HTT: variants seen among roughly 807,000 people sequenced by gnomAD.
HTT encodes huntingtin.
A neutral mutation model predicts 362.3 loss-of-function variants in HTT; 104 were observed. The observed-to-expected ratio is 0.29, with a 90% confidence interval of 0.24 to 0.34. The LOEUF (loss-of-function observed/expected upper bound fraction) is 0.34, where lower values mean the gene tolerates loss of function less well. HTT is among the 10% of genes least tolerant of loss of function. The pLI is 1.00. For synonymous variants in HTT, 1,577 were observed against 1,548.7 expected (o/e 1.02, Z -0.43); for missense variants, 3,301 against 3,928.6 (o/e 0.84, Z 4.27).
intron 55 of HTT, 127 bp downstream of exon 55, chr4:3,223,687 G>C: frequency 1.1e-6 from 1 of 892,934 alleles, no homozygotes; most frequent in Non-Finnish European, 1.7e-6. Flanking sequence ...AACACCGTCC[G>C]TGTGGCCTGT....
intron 6 of HTT, among the ~76,000 whole-genome samples, chr4:3,114,658 A>G (rs1714932117): frequency 6.6e-6 from 1 of 152,226 alleles, no homozygotes; most frequent in African/African-American, 2.4e-5. Flanking sequence ...CTTAAGTAAC[A>G]TAGTCACCAA....
At chr4:3,188,794 T>C in intron 39 of HTT, 157 bp from the exon 40 acceptor site, 1 of 644,490 alleles carries the variant, frequency 1.6e-6, no homozygotes, top group Non-Finnish European at 2.7e-6. Context: ...CAAGTGACTG[T>C]GTCCACGGCG....
chr4:3,230,296 C>T (rs934809055), intron 60 of HTT, among the ~76,000 whole-genome samples: 4 of 152,148 alleles, frequency 2.6e-5, no homozygotes, highest in African/African-American at 7.2e-5. Flanking sequence ...TATCCCTGGG[C>T]TTATGACATC....
Position 3,212,698 on chromosome 4 carries a change from G to T in HTT, c.6763G>T (p.Ala2255Ser). The T allele has an allele frequency of 1.2e-6, 2 of 1,614,218 alleles. No individual in the cohort carries two copies. The highest frequency in any genetic ancestry group is 8.5e-7 in the Non-Finnish European group (1 of 1,180,032). ...GAAGGACATTGTGAAATTCGTGGTG[G>T]CAACCCTTGAGGTAAGAGGCAGCTC... ...KEKDIVKFVV[A>S]TLEALSWHLI... The change falls in exon 49 of 67, where the codon GCA becomes TCA. Residue 2255 changes from alanine to serine, a missense_variant. Around this residue, in one of 4 missense-constraint regions of HTT, gnomAD observed 220 missense variants for 218.5 expected, o/e 1.01. Coordinates refer to ENST00000355072, the MANE Select transcript of HTT (RefSeq NM_001388492.1).
chr4:3,169,826 G>A lies in HTT; in HGVS notation c.3865-2494G>A, dbSNP rs896531047. ...TGACCTCAGGTGATTCATCCGCCTC[G>A]GTCTCCCAAAGTGTTGGGATTATAG... is the stretch of plus-strand genomic sequence containing the variant. On this transcript the variant is annotated intron_variant, in intron 29 of 66. Coordinates refer to ENST00000355072, the MANE Select transcript of HTT (RefSeq NM_001388492.1). Among the ~76,000 whole-genome samples the A allele has an allele frequency of 7.2e-5, 11 of 152,282 alleles. No individual in the cohort carries two copies. The East Asian group carries it at 1.5e-3, about 21-fold the overall frequency.
chr4:3,216,816 G>A (rs1189175110), intron 51 of HTT, among the ~76,000 whole-genome samples: 1 of 152,068 alleles, frequency 6.6e-6, no homozygotes, highest in Non-Finnish European at 1.5e-5. Context: ...ACGAGGTCAG[G>A]AGATCGAGAC....
intron 2 of HTT, among the ~76,000 whole-genome samples, chr4:3,090,073 G>A (rs184827855): frequency 2.6e-5 from 4 of 152,244 alleles, no homozygotes; most frequent in Admixed American, 6.5e-5. Context: ...ATTGCTCATC[G>A]CTGTTTCCTG....
rs1312081689 is a variant in HTT, at chr4:3,209,920, G to A, written c.6385G>A (p.Glu2129Lys). Reference protein sequence around the residue: ...GAELVNRIPAEDMNAFMMNSE... With the variant: ...GAELVNRIPAKDMNAFMMNSE... ...AGAGCTGGTGAATCGGATTCCTGCTGAAGATATGAATGCCTTCATGATGAA... is the reference window on the plus strand; with the variant it reads ...AGAGCTGGTGAATCGGATTCCTGCTAAAGATATGAATGCCTTCATGATGAA... The change falls in exon 47 of 67, where the codon GAA (glutamate) becomes AAA (lysine). Residue 2129 changes from glutamate (E) to lysine (K), a missense_variant. Coordinates refer to ENST00000355072, the MANE Select transcript of HTT (RefSeq NM_001388492.1). 4.3e-6 allele frequency: 7 copies of A among 1,614,028 alleles called. No homozygotes were observed. The highest frequency in any genetic ancestry group is 5.9e-6 in the Non-Finnish European group (7 of 1,179,992).
chr4:3,117,799 C>G (rs1715103713), intron 8 of HTT, among the ~76,000 whole-genome samples: 2 of 152,192 alleles, frequency 1.3e-5, no homozygotes, highest in South Asian at 4.1e-4. Flanking sequence ...TACCACTGCA[C>G]TCCATCCTGG....
intron 2 of HTT, among the ~76,000 whole-genome samples, chr4:3,094,385 A>G (rs1403386727): frequency 6.6e-6 from 1 of 152,282 alleles, no homozygotes. Context: ...TCTATTCGAC[A>G]AAACTGCCAC....
rs1476157395 is a variant in HTT at position 3,155,814 on chromosome 4, C to T, written c.3626-1258C>T. Among the ~76,000 whole-genome samples, 6 of 144,118 alleles carry T rather than the reference C, an allele frequency of 4.2e-5. No individual in the cohort carries two copies. In the East Asian group the frequency reaches 1.3e-3, roughly 32 times the overall value. The allele number at this position is 144,118 out of a possible 152,430, so 94.5% of individuals were successfully genotyped here. A position where few individuals can be genotyped will look rare whatever the true frequency, so the allele number is the denominator to read the frequency against. On this transcript the variant is annotated intron_variant, in intron 27 of 66. Transcript: ENST00000355072. ...TTGGGAGGCTGAGGCAGGAGAATTG[C>T]TTGAATCTGGCAGGTGGAGGTTGCA... is the stretch of plus-strand genomic sequence containing the variant.
At chr4:3,226,914 C>G (rs968050370) in intron 57 of HTT, among the ~76,000 whole-genome samples, 2 of 152,210 alleles carry the variant, frequency 1.3e-5, no homozygotes, top group African/African-American at 4.8e-5. Flanking sequence ...AAAAGAAGTC[C>G]CACTCTTCTG....
At chr4:3,115,153 T>C in intron 6 of HTT, 151 bp from the exon 7 acceptor site, 1 of 719,494 alleles carries the variant, frequency 1.4e-6, no homozygotes, top group Non-Finnish European at 2.3e-6. Flanking sequence ...GTCCCAAATT[T>C]GGGGTACTTC....
At chr4:3,170,538 A>C (rs1328329069) in intron 29 of HTT, among the ~76,000 whole-genome samples, 1 of 152,116 alleles carries the variant, frequency 6.6e-6, no homozygotes, top group Non-Finnish European at 1.5e-5. Flanking sequence ...TGAGTACTCG[A>C]GAGGGACCTT....
intron 29 of HTT, among the ~76,000 whole-genome samples, chr4:3,162,094 T>A (rs1412886439): frequency 2.0e-5 from 3 of 152,186 alleles, no homozygotes; most frequent in Non-Finnish European, 4.4e-5. Flanking sequence ...TGAGTTGATT[T>A]TTGTGTAAGG....
Position 3,187,460 on chromosome 4 carries a change from G to T in HTT, c.4990-191G>T, listed in dbSNP as rs113866615. 0.019 allele frequency among the ~76,000 whole-genome samples: 2,873 copies of T among 152,330 alleles called. 54 individuals are homozygous for T. The highest frequency in any genetic ancestry group is 0.034 in the Middle Eastern group (10 of 294). ...GGCTCTCGCACCAAGCCAAGAGTTTGCATTTTTAGCAAATTCCCAGGTGAA... is the reference window on the plus strand; with the variant it reads ...GGCTCTCGCACCAAGCCAAGAGTTTTCATTTTTAGCAAATTCCCAGGTGAA... On this transcript the variant is annotated intron_variant, in intron 38 of 66. Transcript: ENST00000355072.
chr4:3,231,434 T>C (rs950322485), intron 60 of HTT, among the ~76,000 whole-genome samples: 3 of 152,070 alleles, frequency 2.0e-5, no homozygotes, highest in Non-Finnish European at 4.4e-5. Flanking sequence ...GGCCCCACCC[T>C]AGGCGGCCAA....
intron 1 of HTT, among the ~76,000 whole-genome samples, chr4:3,079,071 T>A (rs1020234660): frequency 2.0e-5 from 3 of 151,528 alleles, no homozygotes; most frequent in African/African-American, 7.3e-5. Context: ...AATTTTTGTA[T>A]TTTTAGTAGA....
intron 29 of HTT, among the ~76,000 whole-genome samples, chr4:3,169,269 G>T (rs545755704): frequency 4.7e-4 from 72 of 152,066 alleles, no homozygotes; most frequent in Middle Eastern, 6.8e-3. Context: ...CTGCCCGCCT[G>T]GGCCTCCCAA....
Sources: allele counts gnomAD v4.1 joint callset (sites outside exome capture counted in the v4.1 genomes callset), GRCh38; gene constraint gnomAD v4.1.1; regional missense constraint gnomAD v4.1.1; transcripts MANE v1.5; gene names NCBI Gene and HGNC (gene_info 2026-07-23, HGNC 2026-07-21).